Variants in MRC2 observed in about 807,000 individuals in gnomAD.
MRC2 encodes mannose receptor C-type 2.
In MRC2, 84 loss-of-function variants were observed where a neutral mutation model predicts 206.2. The observed-to-expected ratio is 0.41, with a 90% CI of 0.34 to 0.49. The LOEUF (loss-of-function observed/expected upper bound fraction) is 0.49. MRC2 is among the 20% of genes least tolerant of loss of function. The pLI, the probability that MRC2 is intolerant of heterozygous loss-of-function variation, is 0.31. For synonymous variants in MRC2, 798 were observed against 800.0 expected, an observed-to-expected ratio of 1.00 and a Z score of 0.04; for missense variants, 1,676 against 2,001.5, an observed-to-expected ratio of 0.84 and a Z score of 3.10.
At chr17:62,628,424 C>G (rs1055144255) in intron 1 of MRC2, among the ~76,000 whole-genome samples, 1 of 152,184 alleles carries the variant, frequency 6.6e-6, no homozygotes, top group African/African-American at 2.4e-5. Context: ...CCCCCTGCAT[C>G]TCGTGGGCGT....
In MRC2 at chr17:62,666,953, T is replaced by C. The variant is rs566418101; in HGVS notation, c.973+83T>C. On this transcript the variant is annotated intron_variant, in intron 5 of 29. Coordinates refer to ENST00000303375, the MANE Select transcript of MRC2 (RefSeq NM_006039.5). This position sits in a 1 kb window ranked among gnomAD's most constrained non-coding sequence, Gnocchi z 5.0. ...CCCATGGACTCCTCTCCTCATGTCC[T>C]CCTGCAGAGGGGCAGTGTGGGTAGG... is the stretch of plus-strand genomic sequence containing the variant. The C allele has an allele frequency of 9.6e-7, 1 of 1,043,848 alleles. No homozygotes were observed. The highest frequency in any genetic ancestry group is 2.5e-5 in the East Asian group (1 of 39,756). The allele number at this position is 1,043,848 out of a possible 1,614,324, so 64.7% of individuals were successfully genotyped here.
chr17:62,674,268 T>C, intron 9 of MRC2, 98 bp downstream of exon 9: 10 of 848,604 alleles, frequency 1.2e-5, no homozygotes, highest in Admixed American at 5.9e-5. Flanking sequence ...TCGCATGGCA[T>C]CGCCCTCTCG....
At position 62,679,816 on chromosome 17, in the gene MRC2, A is replaced by T. The variant is rs752444120; in HGVS notation, c.2212A>T (p.Ile738Phe). ...GTGCTGAAGTGAATCAGAACCCGAG[A>T]TCCACGAGCAGCACTGGTTCTGGAT... ...NKIFGESEPE[I>F]HEQHWFWIGL... The change falls in exon 14 of 30, where the codon ATC (isoleucine) becomes TTC (phenylalanine). Residue 738 changes from isoleucine (I) to phenylalanine (F), a missense_variant. Ile to Phe is a conservative substitution (Grantham distance 21). Around this residue, in one of 3 missense-constraint regions of MRC2, gnomAD observed 1,354 missense variants for 1,636.6 expected, o/e 0.83. Transcript: ENST00000303375. The T allele has an allele frequency of 1.2e-6, 2 of 1,613,928 alleles. No individual in the cohort carries two copies. The highest frequency in any genetic ancestry group is 1.7e-6 in the Non-Finnish European group (2 of 1,179,984).
intron 1 of MRC2, among the ~76,000 whole-genome samples, chr17:62,637,912 C>G (rs2088345065): frequency 6.6e-6 from 1 of 152,218 alleles, no homozygotes; most frequent in African/African-American, 2.4e-5. Context: ...CTTGCTCTGT[C>G]ACCCAGGCTG....
At position 62,666,979 on chromosome 17, in the gene MRC2, G is replaced by T; in HGVS notation, c.973+109G>T. 3.5e-6 allele frequency: 3 copies of T among 858,364 alleles called. No individual in the cohort carries two copies. The highest frequency in any genetic ancestry group is 3.5e-4 in the Middle Eastern group (1 of 2,896). 53.2% of individuals were successfully genotyped at this position (858,364 alleles called of 1,614,324 possible). A position where few individuals can be genotyped will look rare whatever the true frequency, so the allele number is the denominator to read the frequency against. On this transcript the variant is annotated intron_variant, in intron 5 of 29. Transcript: ENST00000303375. The surrounding 1 kb of genome is among the most constrained non-coding windows in gnomAD (Gnocchi z 5.0). ...CCTGCAGAGGGGCAGTGTGGGTAGGGGAAGCACCGACCTCCACCCCCCTCC... is the reference window on the plus strand; with the variant it reads ...CCTGCAGAGGGGCAGTGTGGGTAGGTGAAGCACCGACCTCCACCCCCCTCC...
At chr17:62,662,731 G>A (rs1358519210) in intron 1 of MRC2, among the ~76,000 whole-genome samples, 1 of 152,052 alleles carries the variant, frequency 6.6e-6, no homozygotes, top group East Asian at 1.9e-4. Context: ...CCAACATGGA[G>A]AAATCTCATC....
Position 62,681,075 on chromosome 17 carries a change from A to C in MRC2, c.2648A>C (p.Gln883Pro). ...TGGCTTCTCCAGTTCTCCCGGGCCC[A>C]GGAGCAGCACTGGTGGATCGGCCTG... ...SHNLQKFSRA[Q>P]EQHWWIGLHT... Residue 883 changes from glutamine to proline, a missense_variant, in exon 18 of 30, where the codon CAG (glutamine) becomes CCG (proline). Gln to Pro is a moderately conservative substitution (Grantham distance 76). Around this residue, in one of 3 missense-constraint regions of MRC2, gnomAD observed 1,354 missense variants for 1,636.6 expected, o/e 0.83. Transcript: ENST00000303375. 6.2e-7 allele frequency: 1 copy of C among 1,613,576 alleles called. No homozygotes were observed. The highest frequency in any genetic ancestry group is 1.3e-5 in the African/African-American group (1 of 75,076).
chr17:62,651,670 G>T (rs373068491), intron 1 of MRC2, among the ~76,000 whole-genome samples: 1 of 152,118 alleles, frequency 6.6e-6, no homozygotes, highest in Non-Finnish European at 1.5e-5. Context: ...CTCCTCCCGG[G>T]TTCAAGCAAT....
chr17:62,683,508 AC>A (rs1473406554), intron 20 of MRC2, among the ~76,000 whole-genome samples: 1 of 118,516 alleles, frequency 8.4e-6, no homozygotes. Context: ...CAAAAAAAAC[AC>A]CTTTTTTTTT....
intron 10 of MRC2, among the ~76,000 whole-genome samples, 197 bp downstream of exon 10, chr17:62,676,102 G>A (rs934482903): frequency 1.3e-5 from 2 of 152,188 alleles, no homozygotes; most frequent in African/African-American, 2.4e-5. Context: ...TGTAGGGCAG[G>A]GCCCGGGCAG....
Position 62,693,160 on chromosome 17 carries a change from G to A in MRC2, c.*709G>A, listed in dbSNP as rs1288993103. 1 of 152,720 alleles carries A rather than the reference G, an allele frequency of 6.5e-6. No individual in the cohort carries two copies. The highest frequency in any genetic ancestry group is 2.4e-5 in the African/African-American group (1 of 41,452). The allele number at this position is 152,720 out of a possible 1,614,324, so 9.5% of individuals were successfully genotyped here. A position where few individuals can be genotyped will look rare whatever the true frequency, so the allele number is the denominator to read the frequency against. On this transcript the variant is annotated 3_prime_UTR_variant, in exon 30 of 30. Transcript: ENST00000303375. Reference sequence around the variant, plus strand: ...CCCAACCTCCCAGGGTGGGAGCTGGGCCGGGCTGGGATGTCATCTCCTGCC... The same window carrying A: ...CCCAACCTCCCAGGGTGGGAGCTGGACCGGGCTGGGATGTCATCTCCTGCC...
At chr17:62,645,363 T>C (rs943573551) in intron 1 of MRC2, among the ~76,000 whole-genome samples, 1 of 151,564 alleles carries the variant, frequency 6.6e-6, no homozygotes, top group African/African-American at 2.4e-5. Context: ...CCAGGTCTGG[T>C]TCCTTTGCAT....
intron 1 of MRC2, among the ~76,000 whole-genome samples, chr17:62,629,567 TC>T (rs2084199750): frequency 1.3e-5 from 2 of 152,154 alleles, no homozygotes; most frequent in Admixed American, 6.5e-5. Flanking sequence ...TGTGAGGTCT[TC>T]CAGCAGCAGC....
intron 1 of MRC2, among the ~76,000 whole-genome samples, chr17:62,628,211 T>C (rs1424368261): frequency 2.6e-5 from 4 of 151,652 alleles, no homozygotes; most frequent in Non-Finnish European, 5.9e-5. Flanking sequence ...GCGGGTGGGC[T>C]CTTGAGGACC....
intron 1 of MRC2, among the ~76,000 whole-genome samples, chr17:62,634,879 G>A (rs2088292901): frequency 6.6e-6 from 1 of 150,604 alleles, no homozygotes; most frequent in African/African-American, 2.5e-5. Flanking sequence ...CACCCAGGCT[G>A]GAGTGCAGTG....
At position 62,652,706 on chromosome 17, in the gene MRC2, G is replaced by C. The variant is rs993411049; in HGVS notation, c.119-11842G>C. ...TGCCACAGATTGAGGGGCGCACGGC[G>C]GTGGAGGGAGGGGCGCCCAGTGGAG... On this transcript the variant is annotated intron_variant, in intron 1 of 29. Transcript: ENST00000303375. The surrounding 1 kb of genome is among the most constrained non-coding windows in gnomAD (Gnocchi z 4.6). 3.3e-5 allele frequency among the ~76,000 whole-genome samples: 5 copies of C among 151,876 alleles called. No individual in the cohort carries two copies. Among genetic ancestry groups the C allele is most frequent in the African/African-American group, 9.7e-5 (4 of 41,306 alleles).
At chr17:62,682,151 A>G in intron 19 of MRC2, 84 bp from the exon 20 acceptor site, 1 of 1,383,458 alleles carries the variant, frequency 7.2e-7, no homozygotes, top group Non-Finnish European at 9.7e-7. Flanking sequence ...GACTCCTCTC[A>G]GGGCATGAGG....
At chr17:62,636,741 G>T (rs1357819032) in intron 1 of MRC2, among the ~76,000 whole-genome samples, 1 of 152,098 alleles carries the variant, frequency 6.6e-6, no homozygotes, top group Admixed American at 6.6e-5. Context: ...CAAGTGCTGC[G>T]ATTACAGGCG....
At chr17:62,657,362 A>G (rs1270088362) in intron 1 of MRC2, among the ~76,000 whole-genome samples, 4 of 152,204 alleles carry the variant, frequency 2.6e-5, no homozygotes, top group Admixed American at 2.6e-4. Flanking sequence ...ATGAATGAAT[A>G]AATGAATGAA....
Sources: gnomAD v4.1 joint callset for allele counts (sites outside exome capture counted in the v4.1 genomes callset) on GRCh38, gnomAD v4.1.1 for gene constraint, gnomAD v4.1.1 regional missense constraint, Gnocchi (gnomAD v3.1) non-coding constraint, MANE v1.5 for transcripts, NCBI Gene and HGNC (gene_info 2026-07-23, HGNC 2026-07-21) for gene names.